TESC: variants seen among roughly 807,000 people sequenced by gnomAD.
The protein encoded by TESC is tescalcin.
Under a neutral mutation model 31.0 loss-of-function variants are expected in TESC, and 19 were observed. The ratio of observed to expected loss-of-function variants is 0.61; its 90% CI spans 0.43 to 0.90. The LOEUF is 0.90. Among genes scored for constraint, TESC ranks in the 40% least tolerant of loss-of-function variants. The pLI, the probability that TESC is intolerant of heterozygous loss-of-function variation, is 0.00. For missense variants in TESC, 248 were observed against 303.8 expected (o/e 0.82, Z 1.36); for synonymous variants, 109 against 114.8 (o/e 0.95, Z 0.32).
chr12:117,084,279 T>C (rs938436499), intron 1 of TESC, among the ~76,000 whole-genome samples: 14 of 152,246 alleles, frequency 9.2e-5, no homozygotes, highest in African/African-American at 3.4e-4. Context: ...CCTCAGATGC[T>C]GTCAAGGTGG....
chr12:117,098,253 TAGG>T (rs1593032852), intron 1 of TESC: 1 of 152,418 alleles, frequency 6.6e-6, no homozygotes, highest in East Asian at 1.9e-4. Flanking sequence ...TACCAGGTAC[TAGG>T]AGAACTCTTA....
intron 2 of TESC, among the ~76,000 whole-genome samples, chr12:117,058,550 T>C (rs986684872): frequency 1.0e-4 from 15 of 146,108 alleles, no homozygotes; most frequent in African/African-American, 3.7e-4. Context: ...GTAAATTACA[T>C]TTCAGTAAAG....
In TESC at chr12:117,039,165, G is replaced by A. The variant is rs1252348326; in HGVS notation, c.613C>T (p.Leu205Phe). Residue 205 changes from leucine (L) to phenylalanine (F), a missense_variant, in exon 8 of 8, where the codon CTT becomes TTT. Transcript: ENST00000335209. ...DIETKMHVRFLNMETMALCH is the reference protein window; with the variant it reads ...DIETKMHVRFFNMETMALCH ...CAGAGGGCCATGGTTTCCATGTTAAGGAAGCGGACGTGCATCTTGGTCTCA... is the reference window on the plus strand; with the variant it reads ...CAGAGGGCCATGGTTTCCATGTTAAAGAAGCGGACGTGCATCTTGGTCTCA... 6.2e-7 allele frequency: 1 copy of A among 1,614,156 alleles called. No individual in the cohort carries two copies. Among genetic ancestry groups the A allele is most frequent in the Admixed American group, 1.7e-5 (1 of 60,028 alleles).
intron 3 of TESC, among the ~76,000 whole-genome samples, chr12:117,055,593 A>G (rs375710241): frequency 6.6e-6 from 1 of 152,200 alleles, no homozygotes; most frequent in Non-Finnish European, 1.5e-5. Flanking sequence ...CAGCAGGAGG[A>G]ATAGGGTGTC....
chr12:117,075,324 G>A lies in TESC; in HGVS notation c.75C>T (p.Ile25=), dbSNP rs143035698. The A allele has an allele frequency of 9.1e-5, 147 of 1,610,496 alleles. No individual in the cohort carries two copies. The African/African-American group carries it at 1.2e-3, about 13-fold the overall frequency. The change falls in exon 2 of 8, where the codon ATC becomes ATT. Residue 25 remains isoleucine (I), a synonymous_variant. Coordinates refer to ENST00000335209, the MANE Select transcript of TESC (RefSeq NM_017899.4). The stretch of plus-strand genomic sequence containing the variant: ...GCTTAAATCTCCGATGGAGCTGCTC[G>A]ATCTGATCCGATGAGACTGAGAAGT... The part of the protein sequence containing the change: ...EGKTGFSSDQ[I]EQLHRRFKQL...
rs895803715 is a variant in TESC, at chr12:117,075,129, G to C, written c.128+142C>G. 1.0e-4 allele frequency: 86 copies of C among 842,246 alleles called. No individual in the cohort carries two copies. The Admixed American group carries it at 2.4e-3, about 23-fold the overall frequency. The allele number at this position is 842,246 out of a possible 1,614,324, so 52.2% of individuals were successfully genotyped here. A position where few individuals can be genotyped will look rare whatever the true frequency, so the allele number is the denominator to read the frequency against. On this transcript the variant is annotated intron_variant, in intron 2 of 7. Coordinates refer to ENST00000335209, the MANE Select transcript of TESC (RefSeq NM_017899.4). Reference sequence around the variant, plus strand: ...CCACTGCACTCCAGCCTGGGCGACGGAGCGAGACTCCATCTCCAAAATAAA... The same window carrying C: ...CCACTGCACTCCAGCCTGGGCGACGCAGCGAGACTCCATCTCCAAAATAAA...
chr12:117,080,266 G>A (rs564708671), intron 1 of TESC, among the ~76,000 whole-genome samples: 1 of 152,244 alleles, frequency 6.6e-6, no homozygotes, highest in South Asian at 2.1e-4. Flanking sequence ...CCAGGAGTTC[G>A]AGACCTGCCC....
chr12:117,042,081 C>T (rs1412754397), intron 6 of TESC, 87 bp from the exon 7 acceptor site: 4 of 1,305,280 alleles, frequency 3.1e-6, no homozygotes, highest in Non-Finnish European at 4.3e-6. Flanking sequence ...CCTCCCCTCC[C>T]CACCAATACC....
chr12:117,049,047 C>A lies in TESC; in HGVS notation c.321G>T (p.Val107=). ...TCAGCTTCTCCTTCCGGGACAGCTCCACCTGTTCCTCGTCCATGGTGGTGT... is the reference window on the plus strand; with the variant it reads ...TCAGCTTCTCCTTCCGGGACAGCTCAACCTGTTCCTCGTCCATGGTGGTGT... ...PIDTTMDEEQ[V]ELSRKEKLRF... is the part of the protein sequence containing the mutation. The change falls in exon 4 of 8, where the codon GTG becomes GTT. Residue 107 remains valine (V), a synonymous_variant. Transcript: ENST00000335209. 2 of 1,614,222 alleles carry A rather than the reference C, an allele frequency of 1.2e-6. No homozygotes were observed. Among genetic ancestry groups the A allele is most frequent in the Non-Finnish European group, 1.7e-6 (2 of 1,180,036 alleles).
At chr12:117,075,851 A>ATATATATATATATGTGTG (rs1422745096) in intron 1 of TESC, among the ~76,000 whole-genome samples, 22 of 53,730 alleles carry the variant, frequency 4.1e-4, no homozygotes, top group South Asian at 1.5e-3. Context: ...GTGTGTGTAT[A>ATATATATATATATGTGTG]TATATATATA....
At chr12:117,041,276 G>A (rs1026922833) in intron 7 of TESC, among the ~76,000 whole-genome samples, 2 of 152,132 alleles carry the variant, frequency 1.3e-5, no homozygotes, top group African/African-American at 2.4e-5. Flanking sequence ...CTGAGCTTCC[G>A]AGAAACACTA....
At chr12:117,053,259 G>A (rs1177216832) in intron 3 of TESC, among the ~76,000 whole-genome samples, 1 of 152,214 alleles carries the variant, frequency 6.6e-6, no homozygotes, top group Non-Finnish European at 1.5e-5. Flanking sequence ...GCCTCCGTCT[G>A]CCTGTCCCTA....
intron 2 of TESC, among the ~76,000 whole-genome samples, 193 bp from the exon 3 acceptor site, chr12:117,057,079 G>C (rs1182258735): frequency 6.6e-6 from 1 of 152,176 alleles, no homozygotes; most frequent in African/African-American, 2.4e-5. Flanking sequence ...GACTGGGCAA[G>C]GGCAGGGAGG....
chr12:117,076,898 A>C (rs1017592421), intron 1 of TESC, among the ~76,000 whole-genome samples: 1 of 152,134 alleles, frequency 6.6e-6, no homozygotes, highest in African/African-American at 2.4e-5. Flanking sequence ...TGCCCAGAGT[A>C]CTTTGGCACT....
chr12:117,046,710 C>A (rs1283527347), intron 5 of TESC, 44 bp from the exon 6 acceptor site: 3 of 1,552,606 alleles, frequency 1.9e-6, no homozygotes, highest in African/African-American at 1.4e-5. Flanking sequence ...GGGCCTCCAT[C>A]AGGGTCGTGG....
intron 1 of TESC, chr12:117,098,750 G>T (rs2135812679): frequency 6.5e-6 from 1 of 153,122 alleles, no homozygotes; most frequent in Admixed American, 6.5e-5. Flanking sequence ...GGCGCCGGGC[G>T]CCGGCTCTCC....
chr12:117,075,155 T>TA (rs1955030624), intron 2 of TESC, 116 bp downstream of exon 2: 2 of 1,112,870 alleles, frequency 1.8e-6, no homozygotes, highest in Non-Finnish European at 1.3e-6. Context: ...CCAAAATAAA[T>TA]AAAAAATAAA....
At chr12:117,078,101 T>C (rs574588982) in intron 1 of TESC, among the ~76,000 whole-genome samples, 1 of 152,306 alleles carries the variant, frequency 6.6e-6, no homozygotes, top group African/African-American at 2.4e-5. Context: ...TACAAAAACA[T>C]GAATACATAA....
chr12:117,048,109 C>G (rs1214898586), intron 4 of TESC, among the ~76,000 whole-genome samples: 2 of 152,196 alleles, frequency 1.3e-5, no homozygotes, highest in Non-Finnish European at 2.9e-5. Context: ...CTGTCTCCCT[C>G]TCACCCAACC....
Sources: gnomAD v4.1 joint callset for allele counts (sites outside exome capture counted in the v4.1 genomes callset) on GRCh38, gnomAD v4.1.1 for gene constraint, MANE v1.5 for transcripts, NCBI Gene and HGNC (gene_info 2026-07-23, HGNC 2026-07-21) for gene names.